KLF12: variants seen among roughly 807,000 people sequenced by gnomAD.
The protein encoded by KLF12 is Krueppel-like factor 12.
KLF12 carries 9 observed loss-of-function variants against 37.8 expected under a neutral mutation model. The observed-to-expected ratio is 0.24, with a 90% CI of 0.14 to 0.42. KLF12 has a LOEUF of 0.42. Among genes scored for constraint, KLF12 ranks in the 10% least tolerant of loss-of-function variants. KLF12 has a pLI of 1.00. For missense variants in KLF12, 411 were observed against 516.0 expected (o/e 0.80, Z 1.97); for synonymous variants, 208 against 202.1 (o/e 1.03, Z -0.25).
chr13:73,836,595 T>C (rs1181258230), intron 4 of KLF12, among the ~76,000 whole-genome samples: 4 of 152,196 alleles, frequency 2.6e-5, no homozygotes, highest in African/African-American at 7.2e-5. Flanking sequence ...ATCTACTATG[T>C]AGAATAAGAA....
intron 1 of KLF12, among the ~76,000 whole-genome samples, chr13:74,129,634 T>C (rs1356592219): frequency 2.6e-5 from 4 of 151,768 alleles, no homozygotes; most frequent in Admixed American, 6.6e-5. Context: ...CTAATAAATA[T>C]TCAAAAATGT....
chr13:73,790,186 T>G (rs1048896463), intron 5 of KLF12, among the ~76,000 whole-genome samples: 17 of 152,222 alleles, frequency 1.1e-4, no homozygotes, highest in Non-Finnish European at 7.3e-5. Context: ...TGAAAAACAA[T>G]TCAGCAATTC....
the KLF12 span, among the ~76,000 whole-genome samples, chr13:74,266,521 G>T: frequency 2.6e-5 from 4 of 152,164 alleles, no homozygotes; most frequent in African/African-American, 4.8e-5. Context: ...AATCTTAAAT[G>T]CACATGTTAA....
chr13:73,708,036 C>T (rs1875083179), intron 7 of KLF12, among the ~76,000 whole-genome samples: 1 of 152,078 alleles, frequency 6.6e-6, no homozygotes, highest in Non-Finnish European at 1.5e-5. Flanking sequence ...ATTACAGAGA[C>T]TTCATTCATC....
intron 5 of KLF12, among the ~76,000 whole-genome samples, chr13:73,811,472 C>T (rs1260353736): frequency 1.3e-5 from 2 of 152,066 alleles, no homozygotes; most frequent in East Asian, 1.9e-4. Flanking sequence ...TATATTTCCT[C>T]GTGGTTATAA....
At chr13:74,118,673 G>A (rs543394485) in intron 1 of KLF12, among the ~76,000 whole-genome samples, 15 of 152,152 alleles carry the variant, frequency 9.9e-5, no homozygotes, top group African/African-American at 2.9e-4. Flanking sequence ...AAACTGATAC[G>A]AAAATGGAAT....
chr13:74,302,881 C>G, the KLF12 span, among the ~76,000 whole-genome samples: 1 of 152,114 alleles, frequency 6.6e-6, no homozygotes, highest in African/African-American at 2.4e-5. Flanking sequence ...GTGTGCTCTT[C>G]TCTGTCACCA....
chr13:73,956,728 C>G (rs1890845223), intron 2 of KLF12, among the ~76,000 whole-genome samples: 1 of 151,914 alleles, frequency 6.6e-6, no homozygotes, highest in African/African-American at 2.4e-5. Flanking sequence ...TCAGACCAGC[C>G]CTGGCAACAT....
At chr13:74,180,587 T>C in the KLF12 span, among the ~76,000 whole-genome samples, 1 of 152,194 alleles carries the variant, frequency 6.6e-6, no homozygotes, top group African/African-American at 2.4e-5. Context: ...TTCTAAACTC[T>C]AATGACTTGA....
chr13:73,987,664 A>G lies in KLF12; in HGVS notation c.33+7326T>C, dbSNP rs536740061. Reference sequence around the variant, plus strand: ...AAGTGGGGGGAGAGGAAGTGAGGGGAAGAGAGGAAATTGGAGAGAGGAGAG... The same window carrying G: ...AAGTGGGGGGAGAGGAAGTGAGGGGGAGAGAGGAAATTGGAGAGAGGAGAG... On this transcript the variant is annotated intron_variant, in intron 2 of 7. Coordinates refer to ENST00000377669, the MANE Select transcript of KLF12 (RefSeq NM_007249.5). Among the ~76,000 whole-genome samples, 46 of 127,022 alleles carry G rather than the reference A, an allele frequency of 3.6e-4. No individual in the cohort carries two copies. In the South Asian group the frequency reaches 0.013, roughly 35 times the overall value. The allele number at this position is 127,022 out of a possible 152,430, so 83.3% of individuals were successfully genotyped here. A position where few individuals can be genotyped will look rare whatever the true frequency, so the allele number is the denominator to read the frequency against.
the KLF12 span, among the ~76,000 whole-genome samples, chr13:74,197,758 C>A: frequency 1.3e-5 from 2 of 152,118 alleles, no homozygotes; most frequent in African/African-American, 2.4e-5. Flanking sequence ...ATTTTTATCA[C>A]CCAGATGTGC....
At chr13:74,302,587 T>C in the KLF12 span, among the ~76,000 whole-genome samples, 218 of 152,294 alleles carry the variant, frequency 1.4e-3, 1 homozygote, top group African/African-American at 5.1e-3. Context: ...CGTGGTGTTA[T>C]GGCATTTTCC....
At chr13:73,844,248 T>C (rs1884900904) in intron 4 of KLF12, among the ~76,000 whole-genome samples, 1 of 152,250 alleles carries the variant, frequency 6.6e-6, no homozygotes, top group African/African-American at 2.4e-5. Context: ...TGCAATATCA[T>C]TTCTAAATTG....
At chr13:74,285,501 C>T in the KLF12 span, among the ~76,000 whole-genome samples, 18 of 152,282 alleles carry the variant, frequency 1.2e-4, no homozygotes, top group South Asian at 4.1e-4. Flanking sequence ...TGCAGACTGA[C>T]GTTTTCATTT....
chr13:73,853,183 T>C (rs1885428274), intron 3 of KLF12, among the ~76,000 whole-genome samples: 1 of 152,168 alleles, frequency 6.6e-6, no homozygotes, highest in African/African-American at 2.4e-5. Context: ...TACATATGAA[T>C]TGAATTGAAA....
intron 2 of KLF12, among the ~76,000 whole-genome samples, chr13:73,982,954 T>C (rs78801641): frequency 6.6e-6 from 1 of 150,796 alleles, no homozygotes; most frequent in Non-Finnish European, 1.5e-5. Flanking sequence ...ACACTTTTTT[T>C]CCAAAAAAAA....
At chr13:73,899,390 A>C (rs149088701) in intron 3 of KLF12, among the ~76,000 whole-genome samples, 1 of 152,124 alleles carries the variant, frequency 6.6e-6, no homozygotes, top group Non-Finnish European at 1.5e-5. Context: ...TAATCTCTCA[A>C]CCCCAAAAAG....
intron 3 of KLF12, among the ~76,000 whole-genome samples, chr13:73,893,100 A>T (rs954261794): frequency 6.6e-6 from 1 of 151,844 alleles, no homozygotes; most frequent in African/African-American, 2.4e-5. Context: ...GCTTTCTAAC[A>T]TCTTATTTTG....
intron 1 of KLF12, among the ~76,000 whole-genome samples, chr13:74,077,817 G>A (rs780472006): frequency 6.6e-6 from 1 of 152,168 alleles, no homozygotes; most frequent in Non-Finnish European, 1.5e-5. Flanking sequence ...TTAGTTCTCT[G>A]CCCAATTTTC....
Sources: allele counts gnomAD v4.1 joint callset (sites outside exome capture counted in the v4.1 genomes callset), GRCh38; gene constraint gnomAD v4.1.1; transcripts MANE v1.5; gene names NCBI Gene and HGNC (gene_info 2026-07-23, HGNC 2026-07-21).